POSTN: variants seen among roughly 807,000 people sequenced by gnomAD.
POSTN encodes the protein osteoblast specific factor 2 (fasciclin I-like).
Under a neutral mutation model 104.5 loss-of-function variants are expected in POSTN, and 71 were observed. The ratio of observed to expected loss-of-function variants is 0.68; its 90% CI spans 0.56 to 0.83. The LOEUF is 0.83. POSTN is among the 40% of genes least tolerant of loss of function. The pLI is 0.00. For missense variants in POSTN, 949 were observed against 1,006.8 expected (o/e 0.94, Z 0.78); for synonymous variants, 355 against 340.7 (o/e 1.04, Z -0.46).
intron 17 of POSTN, 103 bp downstream of exon 17, chr13:37,574,469 T>A: frequency 7.2e-7 from 1 of 1,382,962 alleles, no homozygotes; most frequent in East Asian, 2.8e-5. Flanking sequence ...TATATAACAT[T>A]TAACATGTTA....
rs186306846 is a variant in POSTN at position 37,594,861 on chromosome 13, C to T, written c.218+2323G>A. ...GCAAGCAGATGGCAGACCAGTCAGT[C>T]TTCCTGTCAATAGTATTGATTTCTT... On this transcript the variant is annotated intron_variant, in intron 2 of 22. Coordinates refer to ENST00000379747, the MANE Select transcript of POSTN (RefSeq NM_006475.3). 1.7e-3 allele frequency among the ~76,000 whole-genome samples: 253 copies of T among 152,232 alleles called. 2 individuals are homozygous for T. The highest frequency in any genetic ancestry group is 5.8e-3 in the African/African-American group (240 of 41,562).
intron 11 of POSTN, among the ~76,000 whole-genome samples, 179 bp downstream of exon 11, chr13:37,580,382 G>C (rs1179104335): frequency 1.3e-5 from 2 of 152,172 alleles, no homozygotes; most frequent in Non-Finnish European, 2.9e-5. Context: ...TCATATAACG[G>C]TGTACCAGAA....
chr13:37,584,405 C>T (rs1291855978), intron 8 of POSTN, among the ~76,000 whole-genome samples: 1 of 152,056 alleles, frequency 6.6e-6, no homozygotes, highest in Non-Finnish European at 1.5e-5. Context: ...ATAGCTTTTC[C>T]ATTTATCCAA....
chr13:37,598,011 A>C (rs1248082422), intron 1 of POSTN, among the ~76,000 whole-genome samples: 1 of 152,178 alleles, frequency 6.6e-6, no homozygotes, highest in African/African-American at 2.4e-5. Flanking sequence ...TGGTTGGATA[A>C]GTTACAAAAT....
intron 7 of POSTN, among the ~76,000 whole-genome samples, chr13:37,585,342 G>A (rs1343785922): frequency 6.7e-6 from 1 of 149,434 alleles, no homozygotes; most frequent in Admixed American, 6.7e-5. Flanking sequence ...GGGAGTTCAA[G>A]ACCATGATGA....
chr13:37,582,482 T>C lies in POSTN; in HGVS notation c.1276A>G (p.Lys426Glu), dbSNP rs777578712. The change falls in exon 10 of 23, where the codon AAA becomes GAA. Residue 426 changes from lysine to glutamate, a missense_variant. Physicochemically the swap from Lys to Glu is moderately conservative, Grantham distance 56. Coordinates refer to ENST00000379747, the MANE Select transcript of POSTN (RefSeq NM_006475.3). ...DTLSMDQRLL[K>E]LILQNHILKV... ...AATATGTGATTCTGCAGAATTAATT[T>C]AAGGAGGCGCTGATCCATGCTGAGA... 5 of 1,612,994 alleles carry C rather than the reference T, an allele frequency of 3.1e-6. No homozygotes were observed. In the South Asian group the frequency reaches 5.5e-5, roughly 18 times the overall value.
chr13:37,564,193 T>C (rs200219820), intron 22 of POSTN, among the ~76,000 whole-genome samples: 1,336 of 22,402 alleles, frequency 0.06, 11 homozygotes, highest in African/African-American at 0.14. Flanking sequence ...TATATATATA[T>C]ATATATATAT....
rs778364898 is a variant in POSTN at position 37,582,371 on chromosome 13, G to A, written c.1387C>T (p.Arg463Cys). ...TTTTGTTGTGATTCACTTACTGTAC[G>A]ATATACGAAGACTCTGAGCTGTTTG... ...GGKQLRVFVY[R>C]TAVCIENSCM... The change falls in exon 10 of 23, where the codon CGT becomes TGT. Residue 463 changes from arginine (R) to cysteine (C), a missense_variant. By Grantham distance (180) the Arg-to-Cys change is radical. Transcript: ENST00000379747. 4.4e-6 allele frequency: 7 copies of A among 1,608,422 alleles called. No individual in the cohort carries two copies. The East Asian group carries it at 6.7e-5, about 15-fold the overall frequency.
chr13:37,574,087 C>T (rs911473464), intron 17 of POSTN, among the ~76,000 whole-genome samples: 6 of 151,240 alleles, frequency 4.0e-5, no homozygotes, highest in Admixed American at 6.6e-5. Flanking sequence ...ATATCTCATG[C>T]GTGGTTGTAA....
At chr13:37,569,858 G>T in intron 19 of POSTN, 37 bp from the exon 20 acceptor site, 1 of 1,390,174 alleles carries the variant, frequency 7.2e-7, no homozygotes, top group Non-Finnish European at 1.0e-6. Context: ...TAAAACAGAA[G>T]TAGGCAAACT....
At position 37,578,387 on chromosome 13, in the gene POSTN, TG is replaced by T. The variant is rs1319710156; in HGVS notation, c.1962+456del. Among the ~76,000 whole-genome samples the T allele has an allele frequency of 2.6e-5, 4 of 152,292 alleles. No homozygotes were observed. In the Middle Eastern group the frequency reaches 0.01, roughly 389 times the overall value. On this transcript the variant is annotated intron_variant, in intron 15 of 22. Coordinates refer to ENST00000379747, the MANE Select transcript of POSTN (RefSeq NM_006475.3). The stretch of plus-strand genomic sequence containing the variant: ...TGCCATTTCTTTACAGGTGGGTCAG[TG>T]GTACATAAACAACAAAGAGTAATCC...
chr13:37,564,193 TA>T (rs1950015482), intron 22 of POSTN, among the ~76,000 whole-genome samples: 1 of 22,910 alleles, frequency 4.4e-5, no homozygotes, highest in East Asian at 2.8e-3. Context: ...TATATATATA[TA>T]TATATATATA....
In POSTN at chr13:37,574,614, T is replaced by A. The variant is rs757247213; in HGVS notation, c.2047A>T (p.Lys683Ter). 5 of 1,600,918 alleles carry A rather than the reference T, an allele frequency of 3.1e-6. No individual in the cohort carries two copies. Among genetic ancestry groups the A allele is most frequent in the Admixed American group, 3.5e-5 (2 of 57,764 alleles). The change falls in exon 17 of 23, where the codon AAA (lysine) becomes TAA (stop). Residue 683 changes from lysine (K) to a stop codon, truncating the protein, a stop_gained. Coordinates refer to ENST00000379747, the MANE Select transcript of POSTN (RefSeq NM_006475.3). LOFTEE classifies it high-confidence loss of function. ...IITKVVEPKI[K>*]VIEGSLQPII... ...GGCTGAAGACTGCCTTCAATCACTTTAATTTTTGGTTCCACAACTTTGGTT... is the reference window on the plus strand; with the variant it reads ...GGCTGAAGACTGCCTTCAATCACTTAAATTTTTGGTTCCACAACTTTGGTT...
Position 37,574,572 on chromosome 13 carries a change from C to G in POSTN, c.2089G>C (p.Gly697Arg). 6.3e-7 allele frequency: 1 copy of G among 1,585,290 alleles called. No homozygotes were observed. The highest frequency in any genetic ancestry group is 1.2e-5 in the South Asian group (1 of 84,860). ...GSLQPIIKTE[G>R]PTLTKVKIEG... ...AACCATGTATAACATTGATTTTTAC[C>G]TTCAGTTTTGATAATAGGCTGAAGA... Residue 697 changes from glycine to arginine, a missense_variant and splice_region_variant, in exon 17 of 23, where the codon GGA (glycine) becomes CGA (arginine). Coordinates refer to ENST00000379747, the MANE Select transcript of POSTN (RefSeq NM_006475.3).
intron 15 of POSTN, among the ~76,000 whole-genome samples, chr13:37,578,382 G>C (rs1950475930): frequency 6.6e-6 from 1 of 152,118 alleles, no homozygotes; most frequent in Non-Finnish European, 1.5e-5. Context: ...TTACAGGTGG[G>C]TCAGTGGTAC....
chr13:37,594,440 GA>G (rs899757274), intron 2 of POSTN, among the ~76,000 whole-genome samples: 30 of 149,308 alleles, frequency 2.0e-4, no homozygotes, highest in African/African-American at 6.6e-4. Context: ...ATTTTGAAAA[GA>G]AAAAAAAAGC....
chr13:37,580,227 A>T (rs1303689651), intron 11 of POSTN, among the ~76,000 whole-genome samples: 1 of 152,220 alleles, frequency 6.6e-6, no homozygotes, highest in Admixed American at 6.5e-5. Context: ...AAACTTGACA[A>T]GGTCACACAT....
At chr13:37,572,440 C>T (rs1346948143) in intron 17 of POSTN, among the ~76,000 whole-genome samples, 2 of 151,468 alleles carry the variant, frequency 1.3e-5, no homozygotes, top group Non-Finnish European at 3.0e-5. Flanking sequence ...GGATATTGAG[C>T]ACAAAACATA....
Position 37,587,943 on chromosome 13 carries a change from A to G in POSTN, c.485T>C (p.Leu162Pro). The change falls in exon 5 of 23, where the codon CTG becomes CCG. Residue 162 changes from leucine to proline, a missense_variant. Transcript: ENST00000379747. ...GLESNVNVEL[L>P]NALHSHMINK... The stretch of plus-strand genomic sequence containing the variant: ...AATCATGTGACTATGTAAAGCATTC[A>G]GTAATTCAACATTCACGTTGCTCTC... 6.2e-7 allele frequency: 1 copy of G among 1,604,566 alleles called. No homozygotes were observed. Among genetic ancestry groups the G allele is most frequent in the Non-Finnish European group, 8.5e-7 (1 of 1,172,448 alleles).
Sources: gnomAD v4.1 joint callset for allele counts (sites outside exome capture counted in the v4.1 genomes callset) on GRCh38, gnomAD v4.1.1 for gene constraint, MANE v1.5 for transcripts, NCBI Gene and HGNC (gene_info 2026-07-23, HGNC 2026-07-21) for gene names.